Variants in FYCO1 observed in about 807,000 individuals in gnomAD.
The protein encoded by FYCO1 is FYVE and coiled-coil domain autophagy adaptor 1, also known as FYVE and coiled-coil domain-containing protein 1.
In FYCO1, 122 loss-of-function variants were observed where a neutral mutation model predicts 165.1. The observed-to-expected ratio is 0.74, with a 90% CI of 0.64 to 0.86. The LOEUF (loss-of-function observed/expected upper bound fraction) is 0.86. Among genes scored for constraint, FYCO1 ranks in the 40% least tolerant of loss-of-function variants. FYCO1 has a pLI of 0.00. For missense variants in FYCO1, 1,702 were observed against 1,810.3 expected (o/e 0.94, Z 1.09); for synonymous variants, 648 against 742.5 (o/e 0.87, Z 2.07).
chr3:45,966,185 C>T, intron 8 of FYCO1, 92 bp downstream of exon 8: 3 of 1,372,084 alleles, frequency 2.2e-6, no homozygotes, highest in South Asian at 1.2e-5. Flanking sequence ...CCAGCCCTCA[C>T]CTGCCTCATG....
In FYCO1 at chr3:45,984,840, C is replaced by T; in HGVS notation, c.55+16G>A. 1.2e-6 allele frequency: 2 copies of T among 1,614,094 alleles called. No homozygotes were observed. Among genetic ancestry groups the T allele is most frequent in the Non-Finnish European group, 8.5e-7 (1 of 1,179,940 alleles). ...CCCTCAAAACCAAACTCAGCCTGCCCAGCAACCTACCATACCTTGCAAGTC... is the reference window on the plus strand; with the variant it reads ...CCCTCAAAACCAAACTCAGCCTGCCTAGCAACCTACCATACCTTGCAAGTC... On this transcript the variant is annotated intron_variant, in intron 2 of 17. Coordinates refer to ENST00000296137, the MANE Select transcript of FYCO1 (RefSeq NM_024513.4).
At position 45,966,551 on chromosome 3, in the gene FYCO1, C is replaced by T. The variant is rs766743730; in HGVS notation, c.2783G>A (p.Cys928Tyr). 10 of 1,614,080 alleles carry T rather than the reference C, an allele frequency of 6.2e-6. No individual in the cohort carries two copies. Among genetic ancestry groups the T allele is most frequent in the South Asian group, 1.1e-5 (1 of 91,094 alleles). The change falls in exon 8 of 18, where the codon TGT (cysteine) becomes TAT (tyrosine). Residue 928 changes from cysteine (C) to tyrosine (Y), a missense_variant. By Grantham distance (194) the Cys-to-Tyr change is radical. Transcript: ENST00000296137. Reference protein sequence around the residue: ...EKERVEEALACAVQELQDAKE... With the variant: ...EKERVEEALAYAVQELQDAKE... ...GGCGTCCTGGAGCTCCTGGACAGCA[C>T]AGGCCAGTGCCTCCTCCACTCGCTC... is the stretch of plus-strand genomic sequence containing the variant.
rs1157777847 is a variant in FYCO1 at position 45,964,156 on chromosome 3, G to A, written c.3269+180C>T. On this transcript the variant is annotated intron_variant, in intron 10 of 17. Transcript: ENST00000296137. The surrounding 1 kb of genome is among the most constrained non-coding windows in gnomAD (Gnocchi z 4.1). Reference sequence around the variant, plus strand: ...GGTGCTTTAGCCGTGTATAGGTTGTGATGGGCAGGCAACCAGGTTCTCTGT... The same window carrying A: ...GGTGCTTTAGCCGTGTATAGGTTGTAATGGGCAGGCAACCAGGTTCTCTGT... Among the ~76,000 whole-genome samples the A allele has an allele frequency of 6.6e-6, 1 of 152,156 alleles. No individual in the cohort carries two copies. Among genetic ancestry groups the A allele is most frequent in the Non-Finnish European group, 1.5e-5 (1 of 68,028 alleles).
intron 1 of FYCO1, among the ~76,000 whole-genome samples, chr3:45,995,190 G>C (rs1326112269): frequency 6.6e-6 from 1 of 152,196 alleles, no homozygotes. Flanking sequence ...GCAGTGGATA[G>C]TGAATAGGTC....
At chr3:45,966,235 C>T (rs757004052) in intron 8 of FYCO1, 42 bp downstream of exon 8, 2 of 1,604,510 alleles carry the variant, frequency 1.2e-6, no homozygotes, top group South Asian at 2.2e-5. Flanking sequence ...CAGGCCTGCC[C>T]AGGGAGAGGG....
intron 1 of FYCO1, among the ~76,000 whole-genome samples, chr3:45,990,906 G>A (rs900496847): frequency 2.6e-5 from 4 of 151,996 alleles, no homozygotes; most frequent in African/African-American, 9.7e-5. Context: ...GTGAGTAGCT[G>A]GGGCTACAGG....
At chr3:45,948,484 A>G (rs1245399783) in intron 14 of FYCO1, 1 of 152,350 alleles carries the variant, frequency 6.6e-6, no homozygotes, top group African/African-American at 2.4e-5. Flanking sequence ...GAAATGGAAT[A>G]CACCAGTGAT....
intron 14 of FYCO1, chr3:45,940,860 T>C (rs1704186360): frequency 6.6e-6 from 1 of 152,216 alleles, no homozygotes; most frequent in African/African-American, 2.4e-5. Context: ...TAACATACTT[T>C]GGTGCCACAT....
Position 45,921,226 on chromosome 3 carries a change from G to T in FYCO1, c.*539C>A. On this transcript the variant is annotated 3_prime_UTR_variant, in exon 18 of 18. Coordinates refer to ENST00000296137, the MANE Select transcript of FYCO1 (RefSeq NM_024513.4). ...AGAGCATGACTGGAGGAGCTGGTCA[G>T]GATCTCCGGGGGGTCCCCTGGCACC... The T allele has an allele frequency of 5.0e-6, 1 of 201,566 alleles. No homozygotes were observed. The highest frequency in any genetic ancestry group is 1.0e-5 in the Non-Finnish European group (1 of 97,572). 12.5% of individuals were successfully genotyped at this position (201,566 alleles called of 1,614,324 possible). A position where few individuals can be genotyped will look rare whatever the true frequency, so the allele number is the denominator to read the frequency against.
At chr3:45,942,642 A>G (rs1356387648) in intron 14 of FYCO1, among the ~76,000 whole-genome samples, 1 of 152,198 alleles carries the variant, frequency 6.6e-6, no homozygotes, top group African/African-American at 2.4e-5. Flanking sequence ...CCAGGCTGAC[A>G]TGCCTCCAAT....
chr3:45,921,956 T>G (rs1437790104), intron 17 of FYCO1, 116 bp from the exon 18 acceptor site: 1 of 729,624 alleles, frequency 1.4e-6, no homozygotes, highest in African/African-American at 1.7e-5. Context: ...GTGTGGGTGC[T>G]GGAGCCCCAT....
chr3:45,991,584 T>C (rs1190093650), intron 1 of FYCO1, among the ~76,000 whole-genome samples: 1 of 152,126 alleles, frequency 6.6e-6, no homozygotes, highest in African/African-American at 2.4e-5. Flanking sequence ...CAGCTCATGC[T>C]CCCTACACCT....
intron 14 of FYCO1, chr3:45,948,124 C>T (rs189405096): frequency 6.0e-6 from 1 of 167,354 alleles, no homozygotes; most frequent in East Asian, 1.9e-4. Context: ...TCCAGTGGTC[C>T]ATGGAATGCT....
Position 45,967,409 on chromosome 3 carries a change from AG to A in FYCO1, c.1924del (p.Leu642CysfsTer43). 1 of 1,612,944 alleles carries A rather than the reference AG, an allele frequency of 6.2e-7. No homozygotes were observed. The highest frequency in any genetic ancestry group is 8.5e-7 in the Non-Finnish European group (1 of 1,179,544). On this transcript the variant is annotated frameshift_variant, in exon 8 of 18. Transcript: ENST00000296137. LOFTEE classifies it high-confidence loss of function. ...NQLLEGKLQA[L>X]QADYQALQQR... is the part of the protein sequence containing the mutation. ...CTGCAAAGCCTGGTAATCGGCCTGCAGGGCTTGCAGCTTGCCCTCCAGGAGC... is the reference window on the plus strand; with the variant it reads ...CTGCAAAGCCTGGTAATCGGCCTGCAGGCTTGCAGCTTGCCCTCCAGGAGC...
intron 2 of FYCO1, 34 bp from the exon 3 acceptor site, chr3:45,981,710 T>C: frequency 7.1e-7 from 1 of 1,417,672 alleles, no homozygotes; most frequent in Non-Finnish European, 1.0e-6. Context: ...TGTAACCAGA[T>C]AGTGACTAAA....
chr3:45,963,103 G>T (rs1353198931), intron 10 of FYCO1, among the ~76,000 whole-genome samples: 1 of 152,066 alleles, frequency 6.6e-6, no homozygotes, highest in Non-Finnish European at 1.5e-5. Context: ...GTTCTGCAGA[G>T]AGACTGATTA....
intron 14 of FYCO1, among the ~76,000 whole-genome samples, chr3:45,944,684 G>C (rs2125819111): frequency 6.6e-6 from 1 of 152,204 alleles, no homozygotes; most frequent in African/African-American, 2.4e-5. Context: ...ATACATCAAA[G>C]TTTACCAATT....
At chr3:45,944,775 A>G (rs1043996488) in intron 14 of FYCO1, among the ~76,000 whole-genome samples, 3 of 152,368 alleles carry the variant, frequency 2.0e-5, no homozygotes, top group Admixed American at 2.0e-4. Context: ...GAACAGGAAG[A>G]TACCAAAAAA....
chr3:45,927,151 T>G (rs1703359756), intron 16 of FYCO1, among the ~76,000 whole-genome samples: 1 of 152,308 alleles, frequency 6.6e-6, no homozygotes, highest in East Asian at 1.9e-4. Context: ...AGTTTTTTTA[T>G]TTGTTTTTGT....
Sources: allele counts gnomAD v4.1 joint callset (sites outside exome capture counted in the v4.1 genomes callset), GRCh38; gene constraint gnomAD v4.1.1; non-coding constraint Gnocchi (gnomAD v3.1); transcripts MANE v1.5; gene names NCBI Gene and HGNC (gene_info 2026-07-23, HGNC 2026-07-21).